The following SPTBN4 variants were observed in gnomAD, a reference collection of about 807,000 sequenced individuals.
The protein encoded by SPTBN4 is spectrin beta, non-erythrocytic 4.
A neutral mutation model predicts 277.8 loss-of-function variants in SPTBN4; 96 were observed. The ratio of observed to expected loss-of-function variants is 0.35; its 90% CI spans 0.29 to 0.41. The LOEUF (loss-of-function observed/expected upper bound fraction) is 0.41. Ranked by LOEUF, SPTBN4 falls within the 10% of genes least tolerant of loss-of-function variation. The probability of loss-of-function intolerance (pLI) is 1.00; values close to 1 mark genes in which losing one functional copy is unlikely to be tolerated. For synonymous variants in SPTBN4, 1,481 were observed against 1,580.3 expected, an observed-to-expected ratio of 0.94 and a Z score of 1.49; for missense variants, 3,006 against 3,595.7, an observed-to-expected ratio of 0.84 and a Z score of 4.19.
In SPTBN4 at chr19:40,512,892, C is replaced by T; in HGVS notation, c.2103C>T (p.His701=). The T allele has an allele frequency of 6.9e-7, 1 of 1,441,940 alleles. No homozygotes were observed. Among genetic ancestry groups the T allele is most frequent in the Non-Finnish European group, 9.0e-7 (1 of 1,108,654 alleles). The allele number at this position is 1,441,940 out of a possible 1,614,324, so 89.3% of individuals were successfully genotyped here. Residue 701 remains histidine (H), a synonymous_variant, in exon 14 of 36, where the codon CAC becomes CAT. Coordinates refer to ENST00000598249, the MANE Select transcript of SPTBN4 (RefSeq NM_020971.3). Reference sequence around the variant, plus strand: ...GCACAGCGCGCCTCCTGGCCCAGCACAAGATCCTGCAGGGCGAGCTGGGCG... The same window carrying T: ...GCACAGCGCGCCTCCTGGCCCAGCATAAGATCCTGCAGGGCGAGCTGGGCG... The part of the protein sequence containing the change: ...LSSTARLLAQ[H]KILQGELGGR...
intron 4 of SPTBN4, 89 bp from the exon 5 acceptor site, chr19:40,492,873 GC>G (rs2080154649): frequency 1.5e-5 from 17 of 1,159,772 alleles, no homozygotes; most frequent in Middle Eastern, 2.0e-4. Context: ...TCTGTCACCT[GC>G]CACCTTCTCT....
intron 14 of SPTBN4, among the ~76,000 whole-genome samples, chr19:40,514,002 C>T (rs1233226026): frequency 6.6e-6 from 1 of 152,178 alleles, no homozygotes; most frequent in Non-Finnish European, 1.5e-5. Flanking sequence ...ATAGCTCTGA[C>T]TCTTGTGATT....
intron 27 of SPTBN4, 138 bp from the exon 28 acceptor site, chr19:40,565,281 GAAAA>G (rs760463383): frequency 9.0e-7 from 1 of 1,108,218 alleles, no homozygotes; most frequent in Middle Eastern, 2.4e-4. Flanking sequence ...AAAAAGAAAA[GAAAA>G]GAAAAGAAAA....
chr19:40,489,843 A>G (rs2080116960), intron 3 of SPTBN4, among the ~76,000 whole-genome samples: 1 of 152,194 alleles, frequency 6.6e-6, no homozygotes, highest in South Asian at 2.1e-4. Flanking sequence ...AGGGACGTGA[A>G]TAAACCTTGA....
At chr19:40,488,648 T>G (rs2080100891) in intron 3 of SPTBN4, among the ~76,000 whole-genome samples, 1 of 152,062 alleles carries the variant, frequency 6.6e-6, no homozygotes, top group Non-Finnish European at 1.5e-5. Flanking sequence ...GTTTGTTTGT[T>G]TATTTGTTTA....
intron 7 of SPTBN4, among the ~76,000 whole-genome samples, chr19:40,498,018 A>G (rs974146541): frequency 1.3e-5 from 2 of 151,612 alleles, no homozygotes; most frequent in Non-Finnish European, 2.9e-5. Flanking sequence ...CCCATCTTCA[A>G]GTGTCTCCAT....
intron 19 of SPTBN4, 81 bp downstream of exon 19, chr19:40,532,852 T>C (rs1331470549): frequency 2.7e-6 from 4 of 1,475,912 alleles, no homozygotes; most frequent in Middle Eastern, 1.9e-4. Context: ...CTGCACCCGC[T>C]GCTGCCATCC....
At chr19:40,476,333 A>C (rs1220518445) in intron 2 of SPTBN4, among the ~76,000 whole-genome samples, 1 of 145,788 alleles carries the variant, frequency 6.9e-6, no homozygotes, top group Non-Finnish European at 1.5e-5. Context: ...CGTCAATAGC[A>C]AAACTCTGTC....
rs959438700 is a variant in SPTBN4, at chr19:40,506,353, A to G, written c.1783A>G (p.Asn595Asp). ...CCAGAGCGAGCGGGTGGAGGCTCTC[A>G]ATGCCGCTGCCCTGCGCTTCTCCCA... ...AAQSERVEAL[N>D]AAALRFSQLQ... is the part of the protein sequence containing the mutation. The change falls in exon 13 of 36, where the codon AAT (asparagine) becomes GAT (aspartate). Residue 595 changes from asparagine to aspartate, a missense_variant. Coordinates refer to ENST00000598249, the MANE Select transcript of SPTBN4 (RefSeq NM_020971.3). 6.2e-7 allele frequency: 1 copy of G among 1,613,820 alleles called. No homozygotes were observed.
In SPTBN4 at chr19:40,560,045, A is replaced by C; in HGVS notation, c.5671-114A>C. 2.1e-6 allele frequency: 3 copies of C among 1,435,770 alleles called. No homozygotes were observed. Among genetic ancestry groups the C allele is most frequent in the Non-Finnish European group, 2.7e-6 (3 of 1,098,878 alleles). 88.9% of individuals were successfully genotyped at this position (1,435,770 alleles called of 1,614,324 possible). ...GATATGACAGGAGCCTGGCTGTGGG[A>C]TCACAGTGTGAGGCTCCTTATATCT... is the stretch of plus-strand genomic sequence containing the variant. On this transcript the variant is annotated intron_variant, in intron 26 of 35. Transcript: ENST00000598249. The surrounding 1 kb of genome is among the most constrained non-coding windows in gnomAD (Gnocchi z 5.2).
chr19:40,545,454 T>C (rs2080848613), intron 20 of SPTBN4, among the ~76,000 whole-genome samples: 1 of 152,148 alleles, frequency 6.6e-6, no homozygotes, highest in African/African-American at 2.4e-5. Context: ...AGCAGATGCA[T>C]ATTTTGCATT....
At chr19:40,491,524 C>A (rs576004817) in intron 4 of SPTBN4, among the ~76,000 whole-genome samples, 1 of 151,946 alleles carries the variant, frequency 6.6e-6, no homozygotes, top group Non-Finnish European at 1.5e-5. Context: ...AGAGGATTAC[C>A]TGAGTTTAGG....
Position 40,523,639 on chromosome 19 carries a change from A to G in SPTBN4, c.3857A>G (p.Lys1286Arg). ...AQEAVTRLLE[K>R]NQENQLRAQQ... is the part of the protein sequence containing the mutation. The stretch of plus-strand genomic sequence containing the variant: ...GAGGCTGTGACCCGGCTGCTGGAGA[A>G]GTAGGTCCCCTAGACCCATCCACCC... Residue 1286 changes from lysine to arginine, a missense_variant and splice_region_variant, in exon 17 of 36, where the codon AAG becomes AGG. Transcript: ENST00000598249. The G allele has an allele frequency of 1.2e-6, 2 of 1,609,408 alleles. No homozygotes were observed. The highest frequency in any genetic ancestry group is 1.8e-4 in the Middle Eastern group (1 of 5,626).
At chr19:40,522,066 A>T (rs2080532976) in intron 16 of SPTBN4, among the ~76,000 whole-genome samples, 1 of 152,120 alleles carries the variant, frequency 6.6e-6, no homozygotes, top group Admixed American at 6.5e-5. Flanking sequence ...TCACTCTGTC[A>T]CCCGGGCCAG....
In SPTBN4 at chr19:40,505,700, GAGGAAGGAAGGA is replaced by G. The variant is rs369584973; in HGVS notation, c.1666-493_1666-482del. Among the ~76,000 whole-genome samples, 655 of 116,584 alleles carry G rather than the reference GAGGAAGGAAGGA, an allele frequency of 5.6e-3. 5 individuals carry two copies. Among genetic ancestry groups the G allele is most frequent in the African/African-American group, 0.014 (410 of 28,684 alleles). 76.5% of individuals were successfully genotyped at this position (116,584 alleles called of 152,430 possible). A position where few individuals can be genotyped will look rare whatever the true frequency, so the allele number is the denominator to read the frequency against. On this transcript the variant is annotated intron_variant, in intron 12 of 35. Coordinates refer to ENST00000598249, the MANE Select transcript of SPTBN4 (RefSeq NM_020971.3). ...AAGAAGAAGAAAAAAGAATGAAAGG[GAGGAAGGAAGGA>G]AGGAAGGAAGGAAGGAAGGAAGGAA...
chr19:40,512,693 G>A lies in SPTBN4; in HGVS notation c.1904G>A (p.Arg635Gln), dbSNP rs1465622519. The A allele has an allele frequency of 4.6e-6, 7 of 1,528,308 alleles. No homozygotes were observed. The Admixed American group carries it at 7.9e-5, about 17-fold the overall frequency. The allele number at this position is 1,528,308 out of a possible 1,614,324, so 94.7% of individuals were successfully genotyped here. ...CLAELQEQAA[R>Q]RRAELEASRS... ...GCGGAGCTGCAGGAGCAGGCAGCGC[G>A]GCGACGCGCGGAGCTGGAGGCTTCG... The change falls in exon 14 of 36, where the codon CGG becomes CAG. Residue 635 changes from arginine to glutamine, a missense_variant. Physicochemically the swap from Arg to Gln is conservative, Grantham distance 43. Around this residue, in one of 5 missense-constraint regions of SPTBN4, gnomAD observed 1,759 missense variants for 2,061.5 expected, o/e 0.85. Coordinates refer to ENST00000598249, the MANE Select transcript of SPTBN4 (RefSeq NM_020971.3).
intron 5 of SPTBN4, among the ~76,000 whole-genome samples, chr19:40,493,420 C>G (rs2080160143): frequency 1.3e-5 from 2 of 152,170 alleles, no homozygotes; most frequent in South Asian, 4.1e-4. Context: ...ATGTAGAACT[C>G]TTGGCCTCAC....
In SPTBN4 at chr19:40,554,883, G is replaced by A. The variant is rs115517116; in HGVS notation, c.5084+237G>A. The A allele has an allele frequency of 5.7e-6, 3 of 530,888 alleles. No homozygotes were observed. The highest frequency in any genetic ancestry group is 9.9e-6 in the Non-Finnish European group (3 of 302,030). The allele number at this position is 530,888 out of a possible 1,614,324, so 32.9% of individuals were successfully genotyped here. A position where few individuals can be genotyped will look rare whatever the true frequency, so the allele number is the denominator to read the frequency against. On this transcript the variant is annotated intron_variant, in intron 24 of 35. Transcript: ENST00000598249. This position sits in a 1 kb window ranked among gnomAD's most constrained non-coding sequence, Gnocchi z 5.7. ...TGAGTGTAGTAGTGGGGACCTTGTC[G>A]GGGGAGAAAAGAGTAGGCGATGTCT...
At chr19:40,524,430 C>T (rs1261622520) in intron 17 of SPTBN4, 2 of 306,182 alleles carry the variant, frequency 6.5e-6, no homozygotes, top group East Asian at 1.1e-4. Context: ...CTGTTTGAGT[C>T]CGGGAGATTG....
Sources: allele counts gnomAD v4.1 joint callset (sites outside exome capture counted in the v4.1 genomes callset), GRCh38; gene constraint gnomAD v4.1.1; regional missense constraint gnomAD v4.1.1; non-coding constraint Gnocchi (gnomAD v3.1); transcripts MANE v1.5; gene names NCBI Gene and HGNC (gene_info 2026-07-23, HGNC 2026-07-21).